PPP2R2B: variants seen among roughly 807,000 people sequenced by gnomAD.
The protein encoded by PPP2R2B is serine/threonine-protein phosphatase 2A 55 kDa regulatory subunit B beta isoform.
PPP2R2B carries 5 observed loss-of-function variants against 46.0 expected under a neutral mutation model. That is an observed-to-expected ratio of 0.11 (90% CI 0.06 to 0.23). PPP2R2B has a LOEUF of 0.23. PPP2R2B is among the 10% of genes least tolerant of loss of function. The probability of loss-of-function intolerance (pLI) is 1.00; values close to 1 mark genes in which losing one functional copy is unlikely to be tolerated. For synonymous variants in PPP2R2B, 215 were observed against 206.7 expected (o/e 1.04, Z -0.34); for missense variants, 367 against 575.0 (o/e 0.64, Z 3.70).
chr5:147,081,393 T>C lies in PPP2R2B; in HGVS notation c.-165A>G, dbSNP rs918193821. 7 of 1,249,892 alleles carry C rather than the reference T, an allele frequency of 5.6e-6. No individual in the cohort carries two copies. In the South Asian group the frequency reaches 6.5e-5, roughly 12 times the overall value. The allele number at this position is 1,249,892 out of a possible 1,614,324, so 77.4% of individuals were successfully genotyped here. A position where few individuals can be genotyped will look rare whatever the true frequency, so the allele number is the denominator to read the frequency against. ...CCAGGACCAGTTTGAACTGGAGCAA[T>C]TGGAGTTTGTCCCTTCTCAGGCCCT... On this transcript the variant is annotated 5_prime_UTR_variant, in exon 1 of 11. Transcript: ENST00000394413.
At chr5:147,048,136 T>C (rs1287624906) in intron 1 of PPP2R2B, among the ~76,000 whole-genome samples, 1 of 152,172 alleles carries the variant, frequency 6.6e-6, no homozygotes, top group Non-Finnish European at 1.5e-5. Flanking sequence ...GTTAGAGTTG[T>C]GTGCGTATGC....
At chr5:146,882,572 G>A (rs1034956695), upstream of PPP2R2B, among the ~76,000 whole-genome samples, 3 of 152,146 alleles carry the variant, frequency 2.0e-5, no homozygotes, top group African/African-American at 4.8e-5. Flanking sequence ...TTATTACAAG[G>A]ATTAAATGAG....
At position 146,979,942 on chromosome 5, in the gene PPP2R2B, A is replaced by G. The variant is rs543615456; in HGVS notation, c.79+75723T>C. The stretch of plus-strand genomic sequence containing the variant: ...AAAACCATGGCAGATAAAAGGAGAA[A>G]ATGGTACGTGTGTGTATATATACAA... On this transcript the variant is annotated intron_variant, in intron 1 of 8. Transcript: ENST00000336640. Among the ~76,000 whole-genome samples, 121 of 152,322 alleles carry G rather than the reference A, an allele frequency of 7.9e-4. 1 individual carries two copies. The highest frequency in any genetic ancestry group is 2.8e-3 in the African/African-American group (117 of 41,578).
rs191139918 is a variant in PPP2R2B at position 146,843,128 on chromosome 5, G to A, written c.70+34874C>T. The stretch of plus-strand genomic sequence containing the variant: ...CTTGAACCTGGGAGGCGGAGGTTGC[G>A]GTGAGCCCAGATCGTGCCATTGCAC... On this transcript the variant is annotated intron_variant, in intron 2 of 9. Transcript: ENST00000394411. 2.1e-3 allele frequency among the ~76,000 whole-genome samples: 317 copies of A among 152,306 alleles called. 1 individual carries two copies. Among genetic ancestry groups the A allele is most frequent in the African/African-American group, 7.1e-3 (296 of 41,564 alleles).
chr5:146,718,516 G>GAACT (rs1780620945), intron 2 of PPP2R2B, among the ~76,000 whole-genome samples: 1 of 152,116 alleles, frequency 6.6e-6, no homozygotes, highest in Admixed American at 6.5e-5. Context: ...GAGTGTAGCA[G>GAACT]AACTATGGGA....
chr5:146,653,395 T>C (rs998346230), intron 5 of PPP2R2B, among the ~76,000 whole-genome samples: 6 of 152,184 alleles, frequency 3.9e-5, no homozygotes, highest in Non-Finnish European at 8.8e-5. Context: ...TAGGTGTTCA[T>C]GGTATTTGAA....
chr5:146,843,992 T>G (rs933551566), intron 2 of PPP2R2B, among the ~76,000 whole-genome samples: 3 of 151,924 alleles, frequency 2.0e-5, no homozygotes, highest in African/African-American at 7.3e-5. Flanking sequence ...GGTCAAATGG[T>G]ATTTCTAGTT....
At chr5:146,680,340 G>A (rs1281724808) in intron 5 of PPP2R2B, among the ~76,000 whole-genome samples, 1 of 144,828 alleles carries the variant, frequency 6.9e-6, no homozygotes, top group Non-Finnish European at 1.5e-5. Context: ...GTGGGAATTG[G>A]ACAATGAGAT....
chr5:146,807,776 C>CTTTTTTT (rs10583721), intron 2 of PPP2R2B, among the ~76,000 whole-genome samples: 590 of 36,916 alleles, frequency 0.016, 176 homozygotes, highest in Middle Eastern at 0.12. Context: ...GGGGTGCCTT[C>CTTTTTTT]TTTTTTTTTT....
At chr5:146,772,820 A>C (rs7726214) in intron 2 of PPP2R2B, among the ~76,000 whole-genome samples, 1 of 152,166 alleles carries the variant, frequency 6.6e-6, no homozygotes, top group African/African-American at 2.4e-5. Flanking sequence ...CATTGCTCAT[A>C]ATCAGAAAAT....
At chr5:146,694,430 C>T (rs1779056625) in intron 4 of PPP2R2B, among the ~76,000 whole-genome samples, 1 of 152,060 alleles carries the variant, frequency 6.6e-6, no homozygotes, top group Admixed American at 6.6e-5. Flanking sequence ...TGTTGCGTGG[C>T]TTTGGAATGT....
chr5:147,003,247 A>G (rs1224099305), intron 1 of PPP2R2B, among the ~76,000 whole-genome samples: 1 of 151,980 alleles, frequency 6.6e-6, no homozygotes, highest in East Asian at 1.9e-4. Flanking sequence ...TATTAATGAT[A>G]AGCCTCCTCT....
At chr5:146,643,731 A>G (rs533591604) in intron 6 of PPP2R2B, among the ~76,000 whole-genome samples, 93 of 152,328 alleles carry the variant, frequency 6.1e-4, no homozygotes, top group African/African-American at 2.1e-3. Flanking sequence ...GTTCCTTAAA[A>G]CCTGTGGAAA....
At chr5:146,822,750 C>A (rs919592840) in intron 2 of PPP2R2B, among the ~76,000 whole-genome samples, 1 of 152,064 alleles carries the variant, frequency 6.6e-6, no homozygotes, top group African/African-American at 2.4e-5. Flanking sequence ...TTCTTTATGA[C>A]CAACACATGA....
At chr5:146,854,926 T>C (rs977587181) in intron 2 of PPP2R2B, among the ~76,000 whole-genome samples, 1 of 152,202 alleles carries the variant, frequency 6.6e-6, no homozygotes, top group African/African-American at 2.4e-5. Context: ...TTTTAGAAAT[T>C]TTGAGTCTGA....
intron 2 of PPP2R2B, among the ~76,000 whole-genome samples, chr5:147,071,491 C>T (rs1003517312): frequency 6.6e-6 from 1 of 152,210 alleles, no homozygotes; most frequent in African/African-American, 2.4e-5. Context: ...CCATCTTTCA[C>T]AACTTCCTCC....
At chr5:146,734,054 AG>A (rs1752392966) in intron 2 of PPP2R2B, among the ~76,000 whole-genome samples, 1 of 137,176 alleles carries the variant, frequency 7.3e-6, no homozygotes, top group Non-Finnish European at 1.5e-5. Context: ...AAAATGAGTT[AG>A]GTTTTTTTTT....
At chr5:146,690,114 C>G (rs554285781) in intron 5 of PPP2R2B, among the ~76,000 whole-genome samples, 5 of 152,310 alleles carry the variant, frequency 3.3e-5, no homozygotes, top group South Asian at 2.1e-4. Flanking sequence ...TTCACTGTCT[C>G]CCTTCTTACT....
chr5:146,816,846 T>C (rs1757960687), intron 2 of PPP2R2B, among the ~76,000 whole-genome samples: 1 of 152,176 alleles, frequency 6.6e-6, no homozygotes, highest in Non-Finnish European at 1.5e-5. Flanking sequence ...TTGAATACAG[T>C]CAGTTTGGGT....
Sources: allele counts gnomAD v4.1 joint callset (sites outside exome capture counted in the v4.1 genomes callset), GRCh38; gene constraint gnomAD v4.1.1; transcripts MANE v1.5; gene names NCBI Gene and HGNC (gene_info 2026-07-23, HGNC 2026-07-21).